Variants in GRIN2B observed in about 807,000 individuals in gnomAD.
GRIN2B encodes the protein glutamate receptor ionotropic, NMDA 2B.
GRIN2B carries 5 observed loss-of-function variants against 114.5 expected under a neutral mutation model. The ratio of observed to expected loss-of-function variants is 0.04; its 90% CI spans 0.02 to 0.09. GRIN2B has a LOEUF of 0.09. Among genes scored for constraint, GRIN2B ranks in the 10% least tolerant of loss-of-function variants. The pLI is 1.00. For synonymous variants in GRIN2B, 787 were observed against 745.1 expected (o/e 1.06, Z -0.92); for missense variants, 1,108 against 1,943.5 (o/e 0.57, Z 8.08).
At chr12:13,719,142 G>A (rs1247355129) in intron 4 of GRIN2B, among the ~76,000 whole-genome samples, 1 of 151,956 alleles carries the variant, frequency 6.6e-6, no homozygotes, top group Non-Finnish European at 1.5e-5. Flanking sequence ...GCCAGGGGAT[G>A]ACCTACACCT....
intron 10 of GRIN2B, among the ~76,000 whole-genome samples, chr12:13,594,367 C>A (rs535948677): frequency 6.6e-6 from 1 of 152,118 alleles, no homozygotes; most frequent in East Asian, 1.9e-4. Flanking sequence ...AGTTCATGTC[C>A]TTTGCAGGGA....
At chr12:13,791,192 G>A (rs117586518) in intron 3 of GRIN2B, among the ~76,000 whole-genome samples, 6,957 of 152,202 alleles carry the variant, frequency 0.046, 226 homozygotes, top group Admixed American at 0.07. Context: ...GGCGAGGCGC[G>A]GTGGCTCACA....
At chr12:13,876,916 G>A (rs889199925) in intron 2 of GRIN2B, among the ~76,000 whole-genome samples, 1 of 152,156 alleles carries the variant, frequency 6.6e-6, no homozygotes, top group African/African-American at 2.4e-5. Flanking sequence ...GACCAATAAT[G>A]AGTTGCAACT....
At chr12:13,696,942 G>A (rs1216639522) in intron 4 of GRIN2B, among the ~76,000 whole-genome samples, 1 of 152,136 alleles carries the variant, frequency 6.6e-6, no homozygotes, top group African/African-American at 2.4e-5. Flanking sequence ...CGTTCTTTAT[G>A]CTTCTCCATA....
intron 2 of GRIN2B, among the ~76,000 whole-genome samples, chr12:13,946,668 G>A (rs1341231282): frequency 6.6e-6 from 1 of 151,622 alleles, no homozygotes; most frequent in Non-Finnish European, 1.5e-5. Flanking sequence ...GTAAACATTT[G>A]GTGAAAATAA....
At chr12:13,725,313 G>C (rs1412249555) in intron 4 of GRIN2B, among the ~76,000 whole-genome samples, 1 of 152,116 alleles carries the variant, frequency 6.6e-6, no homozygotes, top group Non-Finnish European at 1.5e-5. Context: ...GGGAAGAGGA[G>C]GGGTGGAGGA....
intron 10 of GRIN2B, among the ~76,000 whole-genome samples, chr12:13,573,177 C>G (rs1948728007): frequency 1.3e-5 from 2 of 149,466 alleles, no homozygotes; most frequent in African/African-American, 5.0e-5. Context: ...GGCGGTCGGG[C>G]ACGGTGGCTC....
intron 3 of GRIN2B, among the ~76,000 whole-genome samples, chr12:13,816,870 T>C (rs1363089222): frequency 2.0e-5 from 3 of 152,104 alleles, no homozygotes; most frequent in Non-Finnish European, 2.9e-5. Context: ...ACCTAAGCAA[T>C]CTAAACCTAA....
intron 2 of GRIN2B, among the ~76,000 whole-genome samples, chr12:13,910,558 G>T (rs1043726470): frequency 1.3e-5 from 2 of 152,090 alleles, no homozygotes; most frequent in Non-Finnish European, 2.9e-5. Flanking sequence ...TTTGGCTAAG[G>T]TCTTCATCTT....
chr12:13,672,271 CTAGT>C (rs1167395140), intron 5 of GRIN2B, among the ~76,000 whole-genome samples: 1 of 152,146 alleles, frequency 6.6e-6, no homozygotes, highest in Non-Finnish European at 1.5e-5. Context: ...GGTCCTATGG[CTAGT>C]TAGTGGCCTG....
intron 4 of GRIN2B, among the ~76,000 whole-genome samples, chr12:13,690,630 A>G (rs2136557151): frequency 6.6e-6 from 1 of 152,248 alleles, no homozygotes; most frequent in South Asian, 2.1e-4. Context: ...AGGATCATGT[A>G]ATCTACCCAA....
At chr12:13,752,914 T>C (rs1046697475) in intron 4 of GRIN2B, among the ~76,000 whole-genome samples, 10 of 152,314 alleles carry the variant, frequency 6.6e-5, no homozygotes, top group African/African-American at 2.4e-4. Context: ...GATCAAGTAG[T>C]ACTTACAGAT....
chr12:13,738,010 A>T (rs1358590809), intron 4 of GRIN2B, among the ~76,000 whole-genome samples: 1 of 152,184 alleles, frequency 6.6e-6, no homozygotes, highest in Admixed American at 6.5e-5. Flanking sequence ...AACCACAAAA[A>T]TGCCACACAT....
chr12:13,707,883 C>G (rs1312945054), intron 4 of GRIN2B, among the ~76,000 whole-genome samples: 1 of 152,106 alleles, frequency 6.6e-6, no homozygotes, highest in African/African-American at 2.4e-5. Context: ...AGCAAGTTTA[C>G]TGGGCAATCA....
At chr12:13,692,063 C>T (rs1390638435) in intron 4 of GRIN2B, among the ~76,000 whole-genome samples, 1 of 152,110 alleles carries the variant, frequency 6.6e-6, no homozygotes, top group Non-Finnish European at 1.5e-5. Context: ...TTAAAAAGCC[C>T]CCGATTGAAG....
chr12:13,626,331 C>G (rs1949566263), intron 5 of GRIN2B, among the ~76,000 whole-genome samples: 1 of 152,206 alleles, frequency 6.6e-6, no homozygotes, highest in Non-Finnish European at 1.5e-5. Flanking sequence ...TGCTGAACTG[C>G]TGACTGAAAA....
intron 2 of GRIN2B, among the ~76,000 whole-genome samples, chr12:13,975,598 A>G (rs1383394627): frequency 2.0e-5 from 3 of 152,326 alleles, no homozygotes; most frequent in East Asian, 3.9e-4. Flanking sequence ...TCCTAAACCC[A>G]ACAGAACAAA....
chr12:13,938,508 T>C lies in GRIN2B; in HGVS notation c.-19+41420A>G, dbSNP rs574845268. On this transcript the variant is annotated intron_variant, in intron 2 of 13. Coordinates refer to ENST00000609686, the MANE Select transcript of GRIN2B (RefSeq NM_000834.5). ...AAACTGGAAATGATCCACTTGTCCA[T>C]AAATAGTAAACAAATTGTGGTATAT... Among the ~76,000 whole-genome samples the C allele has an allele frequency of 2.4e-4, 37 of 152,272 alleles. No individual in the cohort carries two copies. In the South Asian group the frequency reaches 7.0e-3, roughly 29 times the overall value.
intron 3 of GRIN2B, among the ~76,000 whole-genome samples, chr12:13,820,593 T>C (rs1591750501): frequency 6.6e-6 from 1 of 152,176 alleles, no homozygotes; most frequent in Non-Finnish European, 1.5e-5. Context: ...TTTGAGCTTG[T>C]TATGGGAAGC....
Sources: gnomAD v4.1 joint callset for allele counts (sites outside exome capture counted in the v4.1 genomes callset) on GRCh38, gnomAD v4.1.1 for gene constraint, MANE v1.5 for transcripts, NCBI Gene and HGNC (gene_info 2026-07-23, HGNC 2026-07-21) for gene names.